CDK13: variants seen among roughly 807,000 people sequenced by gnomAD.
The protein encoded by CDK13 is cyclin dependent kinase 13.
In CDK13, 40 loss-of-function variants were observed where a neutral mutation model predicts 137.6. The ratio of observed to expected loss-of-function variants is 0.29; its 90% CI spans 0.23 to 0.38. The LOEUF is 0.38. Ranked by LOEUF, CDK13 falls within the 10% of genes least tolerant of loss-of-function variation. The pLI is 1.00. For synonymous variants in CDK13, 869 were observed against 760.1 expected, an observed-to-expected ratio of 1.14 and a Z score of -2.36; for missense variants, 1,704 against 1,951.8, an observed-to-expected ratio of 0.87 and a Z score of 2.39.
In CDK13 at chr7:39,987,860, C is replaced by T; in HGVS notation, c.1473C>T (p.Asn491=). The change falls in exon 2 of 14, where the codon AAC becomes AAT. Residue 491 remains asparagine, a synonymous_variant. Transcript: ENST00000181839. ...CTGCCAAGGCTGCAAAAGCTTCAAA[C>T]ACTTCTACACCTACCAAGGGGAACA... The part of the protein sequence containing the change: ...EAAAKAAKAS[N]TSTPTKGNTE... 1.2e-6 allele frequency: 2 copies of T among 1,614,202 alleles called. No individual in the cohort carries two copies. The highest frequency in any genetic ancestry group is 1.7e-6 in the Non-Finnish European group (2 of 1,180,042).
intron 9 of CDK13, chr7:40,072,513 T>C (rs1436447839): frequency 2.0e-5 from 3 of 152,234 alleles, no homozygotes; most frequent in Non-Finnish European, 4.4e-5. Flanking sequence ...TAATATAGTT[T>C]GTTGCCACTG....
intron 5 of CDK13, among the ~76,000 whole-genome samples, chr7:40,023,627 G>A (rs542422896): frequency 2.6e-5 from 4 of 152,106 alleles, no homozygotes; most frequent in Admixed American, 2.0e-4. Flanking sequence ...AGCCTTCAGA[G>A]TGGCTGGGAC....
intron 1 of CDK13, among the ~76,000 whole-genome samples, chr7:39,979,216 C>CTTTTTTTTTTTTTTT (rs71560152): frequency 2.3e-5 from 3 of 130,878 alleles, no homozygotes; most frequent in African/African-American, 2.9e-5. Context: ...TCTTTTTTTT[C>CTTTTTTTTTTTTTTT]TTTTTTTTTT....
chr7:40,047,736 T>A (rs1785781513), intron 6 of CDK13, 85 bp from the exon 7 acceptor site: 1 of 829,064 alleles, frequency 1.2e-6, no homozygotes, highest in Non-Finnish European at 2.0e-6. Flanking sequence ...TTTTTTTTAA[T>A]CAGTTCTAGG....
chr7:40,083,340 T>G (rs543978462), intron 11 of CDK13, among the ~76,000 whole-genome samples: 61 of 151,598 alleles, frequency 4.0e-4, no homozygotes, highest in African/African-American at 1.3e-3. Context: ...GAATTAGAGA[T>G]CACATGATCT....
At chr7:40,054,180 G>A (rs1785958394) in intron 7 of CDK13, among the ~76,000 whole-genome samples, 1 of 152,026 alleles carries the variant, frequency 6.6e-6, no homozygotes, top group East Asian at 1.9e-4. Flanking sequence ...TTTGCTTTTT[G>A]TCTTTGCATC....
chr7:40,057,918 T>G (rs949081732), intron 7 of CDK13, among the ~76,000 whole-genome samples: 4 of 152,340 alleles, frequency 2.6e-5, no homozygotes, highest in Admixed American at 6.5e-5. Flanking sequence ...TTTATTGTTA[T>G]GTAGTTATGT....
chr7:39,994,285 TG>T (rs1399833182), intron 2 of CDK13, among the ~76,000 whole-genome samples: 1 of 152,172 alleles, frequency 6.6e-6, no homozygotes, highest in Non-Finnish European at 1.5e-5. Flanking sequence ...GATAGAAGTT[TG>T]GTTTTGGTTA....
At chr7:40,032,109 TGCA>T (rs1221186573) in intron 5 of CDK13, among the ~76,000 whole-genome samples, 4 of 151,962 alleles carry the variant, frequency 2.6e-5, no homozygotes, top group Admixed American at 6.6e-5. Flanking sequence ...AGGCCTGGAG[TGCA>T]GTGGTGTGAC....
chr7:39,987,840 A>T lies in CDK13; in HGVS notation c.1453A>T (p.Lys485Ter). 6.2e-7 allele frequency: 1 copy of T among 1,614,230 alleles called. No homozygotes were observed. Among genetic ancestry groups the T allele is most frequent in the Non-Finnish European group, 8.5e-7 (1 of 1,180,040 alleles). Residue 485 changes from lysine (K) to a stop codon, truncating the protein, a stop_gained, in exon 2 of 14, where the codon AAG (lysine) becomes TAG (stop). Coordinates refer to ENST00000181839, the MANE Select transcript of CDK13 (RefSeq NM_003718.5). LOFTEE classifies it high-confidence loss of function. ...AACTAAGGCTGCTGAGGCTGCTGCC[A>T]AGGCTGCAAAAGCTTCAAACACTTC... ...EATKAAEAAA[K>*]AAKASNTSTP...
chr7:40,011,616 C>G (rs1338712821), intron 5 of CDK13, among the ~76,000 whole-genome samples: 1 of 152,110 alleles, frequency 6.6e-6, no homozygotes, highest in Non-Finnish European at 1.5e-5. Flanking sequence ...CCCTTCATAC[C>G]TCATACAATA....
chr7:40,065,622 A>G (rs937763121), intron 9 of CDK13, among the ~76,000 whole-genome samples: 12 of 152,318 alleles, frequency 7.9e-5, no homozygotes, highest in African/African-American at 2.9e-4. Context: ...AAAGAGTGAT[A>G]AGTATAAAAA....
rs1359047807 is a variant in CDK13, at chr7:40,095,963, G to C, written c.*983G>C. ...TGTTTGAGAAGTTCTACAAAGTTTT[G>C]TCATTTAAATGGTTGAAAGTAATAG... On this transcript the variant is annotated 3_prime_UTR_variant, in exon 14 of 14. Coordinates refer to ENST00000181839, the MANE Select transcript of CDK13 (RefSeq NM_003718.5). 3 of 152,116 alleles carry C rather than the reference G, an allele frequency of 2.0e-5. No homozygotes were observed. In the East Asian group the frequency reaches 5.8e-4, roughly 29 times the overall value. 9.4% of individuals were successfully genotyped at this position (152,116 alleles called of 1,614,324 possible).
chr7:40,044,732 G>C (rs1440661843), intron 5 of CDK13, among the ~76,000 whole-genome samples: 3 of 151,944 alleles, frequency 2.0e-5, no homozygotes, highest in Non-Finnish European at 4.4e-5. Context: ...TGCCTCCCGG[G>C]TTCATGCCAT....
intron 5 of CDK13, among the ~76,000 whole-genome samples, chr7:40,033,074 T>A (rs1376762142): frequency 1.3e-5 from 2 of 152,158 alleles, no homozygotes; most frequent in Non-Finnish European, 2.9e-5. Context: ...ATTGTTTTCC[T>A]CATATAGAGT....
chr7:39,979,126 T>G (rs1001041850), intron 1 of CDK13, among the ~76,000 whole-genome samples: 8 of 152,140 alleles, frequency 5.3e-5, no homozygotes, highest in Non-Finnish European at 5.9e-5. Context: ...AGGATTAGTT[T>G]GGTTATGGTG....
In CDK13 at chr7:39,951,590, A is replaced by C; in HGVS notation, c.949A>C (p.Ser317Arg). Residue 317 changes from serine to arginine, a missense_variant, in exon 1 of 14, where the codon AGC becomes CGC. Ser to Arg is a moderately radical substitution (Grantham distance 110, BLOSUM62 -1). This residue lies in a region of CDK13 where 1,051 missense variants were observed against 931.0 expected (regional missense o/e 1.13). Transcript: ENST00000181839. ...GGCCTACAGGCGGCGGCGGTCCCTCAGCCCACTGGGAGGCCGGGACGACAG... is the reference window on the plus strand; with the variant it reads ...GGCCTACAGGCGGCGGCGGTCCCTCCGCCCACTGGGAGGCCGGGACGACAG... Reference protein sequence around the residue: ...PKAYRRRRSLSPLGGRDDSPV... With the variant: ...PKAYRRRRSLRPLGGRDDSPV... The C allele has an allele frequency of 6.7e-7, 1 of 1,499,426 alleles. No homozygotes were observed. Among genetic ancestry groups the C allele is most frequent in the South Asian group, 1.3e-5 (1 of 77,950 alleles). The allele number at this position is 1,499,426 out of a possible 1,614,324, so 92.9% of individuals were successfully genotyped here. A position where few individuals can be genotyped will look rare whatever the true frequency, so the allele number is the denominator to read the frequency against.
At chr7:39,976,323 T>TCTCTCACACA in intron 1 of CDK13, among the ~76,000 whole-genome samples, 37 of 39,558 alleles carry the variant, frequency 9.4e-4, no homozygotes, top group South Asian at 2.3e-3. Context: ...TCTCTCTCTC[T>TCTCTCACACA]CACACACACA....
chr7:40,053,911 A>T (rs1785952711), intron 7 of CDK13, among the ~76,000 whole-genome samples: 1 of 152,214 alleles, frequency 6.6e-6, no homozygotes, highest in Non-Finnish European at 1.5e-5. Context: ...TGTACATTTT[A>T]AAGTTACAGA....
Sources: gnomAD v4.1 joint callset for allele counts (sites outside exome capture counted in the v4.1 genomes callset) on GRCh38, gnomAD v4.1.1 for gene constraint, gnomAD v4.1.1 regional missense constraint, MANE v1.5 for transcripts, NCBI Gene and HGNC (gene_info 2026-07-23, HGNC 2026-07-21) for gene names.